The following MAP2K6 variants were observed in gnomAD, a reference collection of about 807,000 sequenced individuals.
MAP2K6 encodes dual specificity mitogen-activated protein kinase kinase 6.
MAP2K6 carries 16 observed loss-of-function variants against 53.7 expected under a neutral mutation model. The ratio of observed to expected loss-of-function variants is 0.30; its 90% CI spans 0.20 to 0.45. The LOEUF (loss-of-function observed/expected upper bound fraction) is 0.45, where lower values mean the gene tolerates loss of function less well. Ranked by LOEUF, MAP2K6 falls within the 20% of genes least tolerant of loss-of-function variation. MAP2K6 has a pLI of 1.00. For synonymous variants in MAP2K6, 132 were observed against 143.1 expected (o/e 0.92, Z 0.55); for missense variants, 204 against 411.9 (o/e 0.50, Z 4.37).
intron 1 of MAP2K6, among the ~76,000 whole-genome samples, chr17:69,505,004 T>C (rs908797566): frequency 6.6e-6 from 1 of 151,976 alleles, no homozygotes; most frequent in African/African-American, 2.4e-5. Context: ...TTGCTAACTT[T>C]GTAGTAGTTA....
intron 10 of MAP2K6, among the ~76,000 whole-genome samples, chr17:69,527,659 G>T (rs1359353659): frequency 1.3e-5 from 2 of 152,174 alleles, no homozygotes; most frequent in African/African-American, 4.8e-5. Flanking sequence ...GAATTAGGAG[G>T]AAGGGGGCTC....
intron 10 of MAP2K6, among the ~76,000 whole-genome samples, chr17:69,534,586 T>C (rs1911261824): frequency 6.6e-6 from 1 of 152,006 alleles, no homozygotes; most frequent in African/African-American, 2.4e-5. Context: ...TAATTTTATT[T>C]CGTTTTAAAC....
chr17:69,480,686 C>T (rs1451182873), intron 1 of MAP2K6, among the ~76,000 whole-genome samples: 6 of 152,042 alleles, frequency 3.9e-5, no homozygotes, highest in African/African-American at 9.7e-5. Context: ...CTGAAGAAAG[C>T]GTACACCTCC....
At chr17:69,497,839 T>C (rs1909005174) in intron 1 of MAP2K6, among the ~76,000 whole-genome samples, 1 of 152,224 alleles carries the variant, frequency 6.6e-6, no homozygotes, top group Admixed American at 6.5e-5. Context: ...ACTTTGATTT[T>C]GGAAATATTT....
chr17:69,530,349 TATAAA>T (rs950251655), intron 10 of MAP2K6, among the ~76,000 whole-genome samples: 2 of 151,780 alleles, frequency 1.3e-5, no homozygotes, highest in African/African-American at 2.4e-5. Context: ...CAAAATGCAA[TATAAA>T]ATAAAATAAA....
At chr17:69,457,518 C>T (rs911499410) in intron 1 of MAP2K6, among the ~76,000 whole-genome samples, 1 of 152,214 alleles carries the variant, frequency 6.6e-6, no homozygotes, top group African/African-American at 2.4e-5. Flanking sequence ...AGACCAGCAG[C>T]CTGGCAACAT....
intron 1 of MAP2K6, among the ~76,000 whole-genome samples, chr17:69,464,529 G>T (rs1907732078): frequency 6.6e-6 from 1 of 151,996 alleles, no homozygotes. Context: ...CTACAGGCGT[G>T]CGCCGCCACG....
chr17:69,508,272 T>C (rs1909633262), intron 2 of MAP2K6, among the ~76,000 whole-genome samples: 1 of 151,750 alleles, frequency 6.6e-6, no homozygotes, highest in Non-Finnish European at 1.5e-5. Context: ...TTGGCCAGGC[T>C]GGTCTGCTGG....
At chr17:69,534,651 C>T (rs1911265306) in intron 10 of MAP2K6, among the ~76,000 whole-genome samples, 1 of 151,948 alleles carries the variant, frequency 6.6e-6, no homozygotes, top group Non-Finnish European at 1.5e-5. Context: ...CTGTACCTTA[C>T]CCCGTCATGC....
rs1198322587 is a variant in MAP2K6 at position 69,515,013 on chromosome 17, A to G, written c.84-1842A>G. ...CCATTTTCCTTTGCCTTTTTCTGGC[A>G]TGGAATGTGCTTCCAGAGAGACATG... is the stretch of plus-strand genomic sequence containing the variant. On this transcript the variant is annotated intron_variant, in intron 2 of 11. Transcript: ENST00000590474. 3.3e-5 allele frequency among the ~76,000 whole-genome samples: 5 copies of G among 151,986 alleles called. No individual in the cohort carries two copies. The East Asian group carries it at 9.6e-4, about 29-fold the overall frequency.
intron 10 of MAP2K6, among the ~76,000 whole-genome samples, chr17:69,534,339 C>T (rs371770159): frequency 2.5e-4 from 38 of 152,234 alleles, no homozygotes; most frequent in Admixed American, 1.5e-3. Context: ...CTTTCTAATG[C>T]GCTCTTATTT....
chr17:69,468,668 G>T (rs921309028), intron 1 of MAP2K6, among the ~76,000 whole-genome samples: 19 of 152,204 alleles, frequency 1.2e-4, no homozygotes, highest in Non-Finnish European at 2.8e-4. Flanking sequence ...AATGAAGGGA[G>T]CCAGGGGTGT....
intron 1 of MAP2K6, among the ~76,000 whole-genome samples, chr17:69,432,271 A>G (rs111405526): frequency 2.7e-3 from 408 of 152,348 alleles, no homozygotes; most frequent in African/African-American, 8.6e-3. Flanking sequence ...TACTCCAGAT[A>G]TATCATTTAA....
At chr17:69,488,769 G>T (rs1474810757) in intron 1 of MAP2K6, among the ~76,000 whole-genome samples, 2 of 152,120 alleles carry the variant, frequency 1.3e-5, no homozygotes, top group Non-Finnish European at 2.9e-5. Flanking sequence ...GTAGAAGCTT[G>T]AAGGAGGGAG....
intron 1 of MAP2K6, chr17:69,502,336 T>C (rs774433683): frequency 1.7e-5 from 17 of 985,358 alleles, no homozygotes; most frequent in Non-Finnish European, 1.9e-5. Context: ...TTTCCTCTGC[T>C]GGTCTTCCTT....
At chr17:69,535,857 C>T (rs1202396125) in intron 10 of MAP2K6, among the ~76,000 whole-genome samples, 1 of 148,714 alleles carries the variant, frequency 6.7e-6, no homozygotes, top group Admixed American at 6.8e-5. Flanking sequence ...TGCATATCAT[C>T]GGTAAAGTAT....
chr17:69,428,964 T>C (rs1008188479), intron 1 of MAP2K6, among the ~76,000 whole-genome samples: 3 of 120,568 alleles, frequency 2.5e-5, no homozygotes, highest in African/African-American at 3.2e-5. Context: ...ACACACGTTG[T>C]TGTATTGATT....
In MAP2K6 at chr17:69,480,427, A is replaced by C. The variant is rs147846945; in HGVS notation, c.17-25353A>C. ...GGGGACTAGTTTCAGCTTTTCAGAG[A>C]GCAAAGCTTCTGGTCCAACAGTATT... is the stretch of plus-strand genomic sequence containing the variant. On this transcript the variant is annotated intron_variant, in intron 1 of 11. Coordinates refer to ENST00000590474, the MANE Select transcript of MAP2K6 (RefSeq NM_002758.4). Among the ~76,000 whole-genome samples, 289 of 152,314 alleles carry C rather than the reference A, an allele frequency of 1.9e-3. 1 individual carries two copies. The highest frequency in any genetic ancestry group is 6.3e-3 in the African/African-American group (261 of 41,560).
At chr17:69,471,695 CAAAA>C (rs533046922) in intron 1 of MAP2K6, among the ~76,000 whole-genome samples, 1 of 151,860 alleles carries the variant, frequency 6.6e-6, no homozygotes, top group African/African-American at 2.4e-5. Flanking sequence ...TAAAGGAAAA[CAAAA>C]AAACCCAAAA....
Sources: allele counts gnomAD v4.1 joint callset (sites outside exome capture counted in the v4.1 genomes callset), GRCh38; gene constraint gnomAD v4.1.1; transcripts MANE v1.5; gene names NCBI Gene and HGNC (gene_info 2026-07-23, HGNC 2026-07-21).